Variants in INVS observed in about 807,000 individuals in gnomAD.
INVS encodes the protein inversin.
INVS carries 86 observed loss-of-function variants against 108.8 expected under a neutral mutation model. The observed-to-expected ratio is 0.79, with a 90% CI of 0.66 to 0.95. INVS has a LOEUF of 0.95. INVS is among the 40% of genes least tolerant of loss of function. The probability of loss-of-function intolerance (pLI) is 0.00; values close to 1 mark genes in which losing one functional copy is unlikely to be tolerated. For synonymous variants in INVS, 455 were observed against 473.5 expected (o/e 0.96, Z 0.51); for missense variants, 1,169 against 1,297.4 (o/e 0.90, Z 1.52).
chr9:100,252,851 C>T (rs1046669587), intron 9 of INVS, 56 bp from the exon 10 acceptor site: 3 of 1,234,288 alleles, frequency 2.4e-6, no homozygotes, highest in East Asian at 2.5e-5. Flanking sequence ...TACTCCTACT[C>T]ATTTTAATAA....
intron 10 of INVS, among the ~76,000 whole-genome samples, chr9:100,259,972 AG>A (rs1832564363): frequency 6.6e-6 from 1 of 151,282 alleles, no homozygotes; most frequent in Non-Finnish European, 1.5e-5. Context: ...CCTGGGTTCA[AG>A]TGATTCTTCT....
intron 12 of INVS, among the ~76,000 whole-genome samples, chr9:100,274,064 G>T (rs145693541): frequency 1.3e-5 from 2 of 152,028 alleles, no homozygotes; most frequent in East Asian, 3.9e-4. Context: ...TCACATAAAT[G>T]ATTGATTTTA....
intron 3 of INVS, among the ~76,000 whole-genome samples, chr9:100,160,596 G>C (rs1829138875): frequency 6.6e-6 from 1 of 152,060 alleles, no homozygotes. Context: ...TTATAGTTGT[G>C]TTCTCTTTCC....
At chr9:100,196,277 C>T (rs917964484) in intron 3 of INVS, among the ~76,000 whole-genome samples, 1 of 152,094 alleles carries the variant, frequency 6.6e-6, no homozygotes, top group African/African-American at 2.4e-5. Flanking sequence ...AAATTTAGAA[C>T]AAAAAGTGAT....
chr9:100,129,572 C>T, intron 3 of INVS: 1 of 518,422 alleles, frequency 1.9e-6, no homozygotes, highest in South Asian at 3.2e-5. Context: ...AAGACACTTT[C>T]ATAACTAGGC....
rs868400727 is a variant in INVS, at chr9:100,099,390, G to T, written c.-51G>T. On this transcript the variant is annotated 5_prime_UTR_variant, in exon 1 of 17. Transcript: ENST00000262457. ...GGTTGCGCCTCCTGGAGCCGCCCCC[G>T]GGACGTCAGTCCTGGAGGAGGCGAG... 9.1e-5 allele frequency: 14 copies of T among 153,552 alleles called. No individual in the cohort carries two copies. In the South Asian group the frequency reaches 2.4e-3, roughly 26 times the overall value. The allele number at this position is 153,552 out of a possible 1,614,324, so 9.5% of individuals were successfully genotyped here. A position where few individuals can be genotyped will look rare whatever the true frequency, so the allele number is the denominator to read the frequency against.
In INVS at chr9:100,256,362, A is replaced by C. The variant is rs570974568; in HGVS notation, c.1464+3226A>C. Among the ~76,000 whole-genome samples the C allele has an allele frequency of 2.0e-5, 3 of 152,162 alleles. No individual in the cohort carries two copies. The East Asian group carries it at 5.8e-4, about 29-fold the overall frequency. Reference sequence around the variant, plus strand: ...CAGTTTTGTTGATCTTTTAAAAAAAACCAGCTCCTGGATTCATTGATTTTT... The same window carrying C: ...CAGTTTTGTTGATCTTTTAAAAAAACCCAGCTCCTGGATTCATTGATTTTT... On this transcript the variant is annotated intron_variant, in intron 10 of 16. Transcript: ENST00000262457.
intron 3 of INVS, among the ~76,000 whole-genome samples, chr9:100,198,212 A>G (rs952516673): frequency 1.4e-5 from 2 of 138,436 alleles, no homozygotes; most frequent in African/African-American, 5.5e-5. Flanking sequence ...AAAGTTTCTT[A>G]ATCTTTCCTC....
At chr9:100,220,660 A>G (rs1588098130) in intron 3 of INVS, among the ~76,000 whole-genome samples, 1 of 152,192 alleles carries the variant, frequency 6.6e-6, no homozygotes, top group South Asian at 2.1e-4. Context: ...CCGTCCTCCA[A>G]ACAGGATCAG....
intron 16 of INVS, among the ~76,000 whole-genome samples, chr9:100,299,306 C>G (rs1001333666): frequency 2.6e-5 from 4 of 152,090 alleles, no homozygotes; most frequent in South Asian, 2.1e-4. Context: ...AAGCATTAAC[C>G]AGTTAATGAA....
chr9:100,214,354 A>G (rs1830924380), intron 3 of INVS, among the ~76,000 whole-genome samples: 1 of 152,094 alleles, frequency 6.6e-6, no homozygotes, highest in Non-Finnish European at 1.5e-5. Context: ...CCAAAAAGCA[A>G]CCCCCAAGCT....
intron 3 of INVS, among the ~76,000 whole-genome samples, chr9:100,161,303 G>C (rs904007294): frequency 7.4e-6 from 1 of 134,782 alleles, no homozygotes; most frequent in South Asian, 2.4e-4. Flanking sequence ...TTAAACTCAG[G>C]AGACGAGATC....
At chr9:100,205,924 GA>G (rs1830662668) in intron 3 of INVS, among the ~76,000 whole-genome samples, 1 of 151,998 alleles carries the variant, frequency 6.6e-6, no homozygotes, top group Non-Finnish European at 1.5e-5. Context: ...AGGAATCCTA[GA>G]AATCATCTAC....
At chr9:100,125,984 C>A (rs1827871857) in intron 2 of INVS, among the ~76,000 whole-genome samples, 1 of 152,166 alleles carries the variant, frequency 6.6e-6, no homozygotes, top group East Asian at 1.9e-4. Context: ...CCGCACCCAG[C>A]CTGTAATTCA....
chr9:100,277,036 C>T (rs1455889216), intron 12 of INVS, among the ~76,000 whole-genome samples: 1 of 152,100 alleles, frequency 6.6e-6, no homozygotes, highest in Non-Finnish European at 1.5e-5. Context: ...TTTTGGTAAC[C>T]CAGTTCAAAC....
chr9:100,208,430 A>G (rs1449905053), intron 3 of INVS, among the ~76,000 whole-genome samples: 1 of 152,110 alleles, frequency 6.6e-6, no homozygotes, highest in Admixed American at 6.5e-5. Context: ...TTACTTACAC[A>G]TTTGTCTGTA....
chr9:100,301,610 T>C lies in INVS; in HGVS notation c.*936T>C, dbSNP rs1009690994. Reference sequence around the variant, plus strand: ...TGGTTTAAATAAAATCCAGTGATGATGGGCTCTTTCACATTGTTTAAGGGG... The same window carrying C: ...TGGTTTAAATAAAATCCAGTGATGACGGGCTCTTTCACATTGTTTAAGGGG... On this transcript the variant is annotated 3_prime_UTR_variant, in exon 17 of 17. Transcript: ENST00000262457. Among the ~76,000 whole-genome samples the C allele has an allele frequency of 2.0e-5, 3 of 152,222 alleles. No individual in the cohort carries two copies. Among genetic ancestry groups the C allele is most frequent in the Admixed American group, 1.3e-4 (2 of 15,276 alleles).
intron 8 of INVS, among the ~76,000 whole-genome samples, chr9:100,247,873 A>G (rs1242280260): frequency 6.6e-6 from 1 of 151,986 alleles, no homozygotes; most frequent in African/African-American, 2.4e-5. Flanking sequence ...CAGTGGCATG[A>G]TCTTGGCTCA....
intron 2 of INVS, among the ~76,000 whole-genome samples, chr9:100,116,231 G>A (rs1827520956): frequency 6.6e-6 from 1 of 151,444 alleles, no homozygotes; most frequent in South Asian, 2.1e-4. Context: ...AGCCTCCTAA[G>A]TAGCTGGGAT....
Sources: allele counts gnomAD v4.1 joint callset (sites outside exome capture counted in the v4.1 genomes callset), GRCh38; gene constraint gnomAD v4.1.1; transcripts MANE v1.5; gene names NCBI Gene and HGNC (gene_info 2026-07-23, HGNC 2026-07-21).